CNTNAP2: variants seen among roughly 807,000 people sequenced by gnomAD.
CNTNAP2 encodes the protein contactin associated protein 2.
A neutral mutation model predicts 155.2 loss-of-function variants in CNTNAP2; 98 were observed. That is an observed-to-expected ratio of 0.63 (90% CI 0.54 to 0.75). The LOEUF (loss-of-function observed/expected upper bound fraction) is 0.75, where lower values mean the gene tolerates loss of function less well. Among genes scored for constraint, CNTNAP2 ranks in the 30% least tolerant of loss-of-function variants. The pLI, the probability that CNTNAP2 is intolerant of heterozygous loss-of-function variation, is 0.00. For synonymous variants in CNTNAP2, 651 were observed against 631.2 expected (o/e 1.03, Z -0.47); for missense variants, 1,727 against 1,688.1 (o/e 1.02, Z -0.40).
chr7:147,813,423 G>A, intron 13 of CNTNAP2, among the ~76,000 whole-genome samples: 1 of 152,162 alleles, frequency 6.6e-6, no homozygotes, highest in East Asian at 1.9e-4. Flanking sequence ...TTTATGTAGT[G>A]GAGAGGAAAC....
chr7:147,344,235 C>T (rs1407518870), intron 9 of CNTNAP2, among the ~76,000 whole-genome samples: 1 of 152,112 alleles, frequency 6.6e-6, no homozygotes, highest in African/African-American at 2.4e-5. Flanking sequence ...CCATTTTCTC[C>T]CATCACCCAA....
At chr7:146,246,166 T>G (rs548099661) in intron 1 of CNTNAP2, among the ~76,000 whole-genome samples, 77 of 151,744 alleles carry the variant, frequency 5.1e-4, no homozygotes, top group East Asian at 3.9e-3. Context: ...TAGGTTTTAA[T>G]GAGATGGTAA....
intron 1 of CNTNAP2, among the ~76,000 whole-genome samples, chr7:146,523,759 G>T (rs540171795): frequency 1.3e-5 from 2 of 151,990 alleles, no homozygotes; most frequent in African/African-American, 2.4e-5. Context: ...CAACCCTGTC[G>T]AACTATTGGC....
chr7:146,926,014 T>C (rs974203093), intron 3 of CNTNAP2, among the ~76,000 whole-genome samples: 4 of 152,108 alleles, frequency 2.6e-5, no homozygotes, highest in African/African-American at 9.7e-5. Context: ...GCCGTTTCAC[T>C]ATTCAATTTG....
At chr7:146,624,464 C>T (rs1351107632) in intron 1 of CNTNAP2, among the ~76,000 whole-genome samples, 4 of 119,316 alleles carry the variant, frequency 3.4e-5, no homozygotes, top group Non-Finnish European at 6.1e-5. Context: ...GAATGCTCAG[C>T]ATTATTACTT....
At chr7:147,047,953 A>G (rs1211698460) in intron 4 of CNTNAP2, among the ~76,000 whole-genome samples, 1 of 151,944 alleles carries the variant, frequency 6.6e-6, no homozygotes, top group Non-Finnish European at 1.5e-5. Context: ...TTTCAGTTGG[A>G]TGTAGTAGGT....
intron 16 of CNTNAP2, among the ~76,000 whole-genome samples, chr7:148,132,704 G>A (rs556510291): frequency 2.6e-5 from 4 of 152,300 alleles, no homozygotes; most frequent in African/African-American, 7.2e-5. Flanking sequence ...CTTCTCCACA[G>A]GGAAAGTTTT....
chr7:146,825,134 A>G (rs1199893172), intron 2 of CNTNAP2, among the ~76,000 whole-genome samples: 1 of 152,020 alleles, frequency 6.6e-6, no homozygotes, highest in Non-Finnish European at 1.5e-5. Flanking sequence ...GAGCCTTGTG[A>G]AGTGGGACTG....
chr7:147,809,977 T>C (rs771100152), intron 13 of CNTNAP2, among the ~76,000 whole-genome samples: 1 of 152,204 alleles, frequency 6.6e-6, no homozygotes, highest in African/African-American at 2.4e-5. Flanking sequence ...AGCTTTGTTT[T>C]GGGTAGACAT....
intron 1 of CNTNAP2, among the ~76,000 whole-genome samples, chr7:146,516,938 T>G (rs573464564): frequency 3.9e-5 from 6 of 152,152 alleles, no homozygotes; most frequent in African/African-American, 1.4e-4. Flanking sequence ...AATTGATACA[T>G]ATTACAGTAG....
intron 11 of CNTNAP2, among the ~76,000 whole-genome samples, chr7:147,541,455 G>A (rs1799637336): frequency 6.6e-6 from 1 of 152,202 alleles, no homozygotes; most frequent in Non-Finnish European, 1.5e-5. Flanking sequence ...AACAGCTGTT[G>A]TTGTTGTTGT....
At chr7:146,833,622 A>G (rs1378810550) in intron 2 of CNTNAP2, among the ~76,000 whole-genome samples, 1 of 152,038 alleles carries the variant, frequency 6.6e-6, no homozygotes, top group Non-Finnish European at 1.5e-5. Context: ...CATATAATCC[A>G]TATGTTTAAG....
At chr7:146,981,253 G>A (rs10254636) in intron 3 of CNTNAP2, among the ~76,000 whole-genome samples, 49,471 of 151,942 alleles carry the variant, frequency 0.33, 8,437 homozygotes, top group Non-Finnish European at 0.36. Context: ...ATAACTTATT[G>A]GAAGAAATAA....
At chr7:146,978,672 T>C (rs1181375932) in intron 3 of CNTNAP2, among the ~76,000 whole-genome samples, 1 of 151,676 alleles carries the variant, frequency 6.6e-6, no homozygotes, top group Non-Finnish European at 1.5e-5. Context: ...TAGGCATTAA[T>C]ATTTTGTCCA....
intron 14 of CNTNAP2, among the ~76,000 whole-genome samples, chr7:147,957,263 G>A (rs1485603038): frequency 1.3e-5 from 2 of 152,156 alleles, no homozygotes; most frequent in Non-Finnish European, 2.9e-5. Context: ...GGAGAGAGCT[G>A]AAGTTGTTTG....
At chr7:146,464,187 G>GTTTTTTTT (rs369508603) in intron 1 of CNTNAP2, among the ~76,000 whole-genome samples, 5 of 91,540 alleles carry the variant, frequency 5.5e-5, no homozygotes, top group African/African-American at 1.5e-4. Flanking sequence ...CTTTGAAACT[G>GTTTTTTTT]TTTTTTTTTT....
chr7:147,139,217 A>G (rs1801549435), intron 8 of CNTNAP2, among the ~76,000 whole-genome samples: 1 of 152,120 alleles, frequency 6.6e-6, no homozygotes, highest in Non-Finnish European at 1.5e-5. Context: ...AAGTACATAT[A>G]CAATGTGGTC....
chr7:147,876,774 T>G (rs558632747), intron 13 of CNTNAP2, among the ~76,000 whole-genome samples: 2 of 152,208 alleles, frequency 1.3e-5, no homozygotes, highest in South Asian at 4.2e-4. Flanking sequence ...ATGTTTAGTT[T>G]GTTAATTCCC....
chr7:146,967,430 C>A (rs1308049597), intron 3 of CNTNAP2, among the ~76,000 whole-genome samples: 1 of 152,144 alleles, frequency 6.6e-6, no homozygotes, highest in Non-Finnish European at 1.5e-5. Context: ...ATTGATTCTT[C>A]CTACCCATGA....
Sources: gnomAD v4.1 joint callset for allele counts (sites outside exome capture counted in the v4.1 genomes callset) on GRCh38, gnomAD v4.1.1 for gene constraint, MANE v1.5 for transcripts, NCBI Gene and HGNC (gene_info 2026-07-23, HGNC 2026-07-21) for gene names.